ADARB1: variants seen among roughly 807,000 people sequenced by gnomAD.
ADARB1 encodes adenosine deaminase RNA specific B1.
In ADARB1, 10 loss-of-function variants were observed where a neutral mutation model predicts 52.4. The ratio of observed to expected loss-of-function variants is 0.19; its 90% CI spans 0.12 to 0.32. ADARB1 has a LOEUF of 0.32. Among genes scored for constraint, ADARB1 ranks in the 10% least tolerant of loss-of-function variants. The probability of loss-of-function intolerance (pLI) is 1.00; values close to 1 mark genes in which losing one functional copy is unlikely to be tolerated. For synonymous variants in ADARB1, 349 were observed against 371.1 expected (o/e 0.94, Z 0.68); for missense variants, 643 against 922.3 (o/e 0.70, Z 3.92).
chr21:45,174,564 A>G (rs966321915), intron 3 of ADARB1, among the ~76,000 whole-genome samples: 9 of 152,072 alleles, frequency 5.9e-5, no homozygotes, highest in Admixed American at 3.3e-4. Context: ...TTAGCCGGGC[A>G]TGGTAGCCCA....
chr21:45,206,463 T>A (rs895640836), intron 9 of ADARB1, among the ~76,000 whole-genome samples: 65 of 152,088 alleles, frequency 4.3e-4, no homozygotes, highest in Non-Finnish European at 8.8e-5. Context: ...AGCATCTATA[T>A]CTGTTAAAAG....
Position 45,176,232 on chromosome 21 carries a change from C to A in ADARB1, c.531C>A (p.Phe177Leu), listed in dbSNP as rs751409944. The change falls in exon 4 of 11, where the codon TTC (phenylalanine) becomes TTA (leucine). Residue 177 changes from phenylalanine to leucine, a missense_variant. Physicochemically the swap from Phe to Leu is conservative, Grantham distance 22. Transcript: ENST00000348831. The surrounding 1 kb of genome is among the most constrained non-coding windows in gnomAD (Gnocchi z 5.8). Reference sequence around the variant, plus strand: ...AGGCCGACTTCCCTGACACGCTCTTCAATGGTTTTGAAACTCCTGACAAGG... The same window carrying A: ...AGGCCGACTTCCCTGACACGCTCTTAAATGGTTTTGAAACTCCTGACAAGG... The part of the protein sequence containing the change: ...SDQADFPDTL[F>L]NGFETPDKAE... 6.2e-7 allele frequency: 1 copy of A among 1,614,224 alleles called. No individual in the cohort carries two copies. The highest frequency in any genetic ancestry group is 8.5e-7 in the Non-Finnish European group (1 of 1,180,038).
intron 9 of ADARB1, among the ~76,000 whole-genome samples, chr21:45,209,259 TAATG>T (rs2092722448): frequency 6.6e-6 from 1 of 152,220 alleles, no homozygotes; most frequent in Non-Finnish European, 1.5e-5. Context: ...AAGCCTTTCG[TAATG>T]AGTCACATAG....
chr21:45,101,278 G>T (rs926789019), intron 1 of ADARB1, among the ~76,000 whole-genome samples: 1 of 152,160 alleles, frequency 6.6e-6, no homozygotes, highest in Non-Finnish European at 1.5e-5. Flanking sequence ...TGCTCGCTGT[G>T]CCCTGCGCGC....
In ADARB1 at chr21:45,200,839, G is replaced by A. The variant is rs746211982; in HGVS notation, c.1566-3716G>A. 1.3e-5 allele frequency among the ~76,000 whole-genome samples: 2 copies of A among 152,190 alleles called. No homozygotes were observed. The highest frequency in any genetic ancestry group is 2.9e-5 in the Non-Finnish European group (2 of 68,030). On this transcript the variant is annotated intron_variant, in intron 8 of 10. Transcript: ENST00000348831. This position sits in a 1 kb window ranked among gnomAD's most constrained non-coding sequence, Gnocchi z 5.0. ...CAGAGTAGTTCTCCTGCCCTGTGTG[G>A]TCTGGCCGACGTCTGTCTGCAGCTC...
In ADARB1 at chr21:45,206,560, C is replaced by CTT. The variant is rs71199660; in HGVS notation, c.1747+1854_1747+1855dup. Among the ~76,000 whole-genome samples, 166 of 54,974 alleles carry CTT rather than the reference C, an allele frequency of 3.0e-3. 8 individuals carry two copies. The highest frequency in any genetic ancestry group is 3.5e-3 in the Non-Finnish European group (109 of 31,522). The allele number at this position is 54,974 out of a possible 152,430, so 36.1% of individuals were successfully genotyped here. A position where few individuals can be genotyped will look rare whatever the true frequency, so the allele number is the denominator to read the frequency against. ...TTTCCTCCTCAATATCTTCTCTGGT[C>CTT]TTTTTTTTTTTTTTTTTTTTTTTTT... On this transcript the variant is annotated intron_variant, in intron 9 of 10. Coordinates refer to ENST00000348831, the MANE Select transcript of ADARB1 (RefSeq NM_001112.4).
At chr21:45,179,386 T>C (rs914924555) in intron 4 of ADARB1, among the ~76,000 whole-genome samples, 10 of 152,240 alleles carry the variant, frequency 6.6e-5, no homozygotes, top group Non-Finnish European at 1.3e-4. Flanking sequence ...CTGGGGATGC[T>C]GGGTTTTCCT....
At chr21:45,162,135 C>T (rs1267225097) in intron 2 of ADARB1, among the ~76,000 whole-genome samples, 1 of 152,176 alleles carries the variant, frequency 6.6e-6, no homozygotes, top group Non-Finnish European at 1.5e-5. Flanking sequence ...AGAAGAGCTG[C>T]AGCCCTTCAA....
chr21:45,197,777 C>T (rs1484304908), intron 8 of ADARB1, among the ~76,000 whole-genome samples: 2 of 152,074 alleles, frequency 1.3e-5, no homozygotes, highest in Non-Finnish European at 2.9e-5. Context: ...ATAGAGAAAT[C>T]TCAAAATAAT....
At chr21:45,163,484 A>C (rs1046520384) in intron 2 of ADARB1, among the ~76,000 whole-genome samples, 2 of 152,046 alleles carry the variant, frequency 1.3e-5, no homozygotes, top group Non-Finnish European at 2.9e-5. Flanking sequence ...CCAGCGGGGG[A>C]GTGAGCGGGG....
intron 8 of ADARB1, among the ~76,000 whole-genome samples, chr21:45,193,496 C>A (rs201042464): frequency 1.1e-4 from 4 of 37,346 alleles, no homozygotes; most frequent in African/African-American, 3.0e-4. Flanking sequence ...AGATTGTCTG[C>A]TCTCCCCACT....
chr21:45,139,933 C>CTT (rs200847132), intron 2 of ADARB1, among the ~76,000 whole-genome samples: 934 of 84,842 alleles, frequency 0.011, 198 homozygotes, highest in African/African-American at 0.025. Flanking sequence ...CAATAAAACT[C>CTT]TTTTTTTTTT....
chr21:45,210,975 A>T (rs111320751), intron 9 of ADARB1, among the ~76,000 whole-genome samples: 4,849 of 152,332 alleles, frequency 0.032, 106 homozygotes, highest in Non-Finnish European at 0.047. Flanking sequence ...CTCCTTCCAC[A>T]GCTGGTGTTC....
At chr21:45,197,612 A>G (rs575397151) in intron 8 of ADARB1, among the ~76,000 whole-genome samples, 1 of 152,242 alleles carries the variant, frequency 6.6e-6, no homozygotes, top group East Asian at 1.9e-4. Flanking sequence ...TTGTAAATGA[A>G]TGTTTGTAGG....
chr21:45,077,162 C>G (rs2085971908), intron 1 of ADARB1, among the ~76,000 whole-genome samples: 1 of 152,190 alleles, frequency 6.6e-6, no homozygotes. Flanking sequence ...ATCAAAATTT[C>G]TTAGCTGTAA....
At chr21:45,129,756 A>G (rs2088818177) in intron 2 of ADARB1, among the ~76,000 whole-genome samples, 1 of 152,028 alleles carries the variant, frequency 6.6e-6, no homozygotes, top group Non-Finnish European at 1.5e-5. Flanking sequence ...GTGAGCGTGG[A>G]TGGATGAGAG....
chr21:45,180,761 T>G (rs917769454), intron 5 of ADARB1, among the ~76,000 whole-genome samples: 4 of 152,198 alleles, frequency 2.6e-5, no homozygotes, highest in African/African-American at 9.7e-5. Context: ...CTTCCTTTAT[T>G]TGAAAGTAGA....
At chr21:45,149,711 A>G (rs1370121138) in intron 2 of ADARB1, among the ~76,000 whole-genome samples, 1 of 152,248 alleles carries the variant, frequency 6.6e-6, no homozygotes, top group Non-Finnish European at 1.5e-5. Flanking sequence ...TATATCTCCC[A>G]TAACATTGAT....
chr21:45,157,830 G>A lies in ADARB1; in HGVS notation c.-47-13780G>A, dbSNP rs1569088543. Reference sequence around the variant, plus strand: ...TAGGTTTCTTCCATCCTTAAGCTCTGTTCTCTAACAGAAGTCACCCTGGCA... The same window carrying A: ...TAGGTTTCTTCCATCCTTAAGCTCTATTCTCTAACAGAAGTCACCCTGGCA... On this transcript the variant is annotated intron_variant, in intron 2 of 10. Transcript: ENST00000348831. The surrounding 1 kb of genome is among the most constrained non-coding windows in gnomAD (Gnocchi z 4.1). Among the ~76,000 whole-genome samples, 1 of 152,190 alleles carries A rather than the reference G, an allele frequency of 6.6e-6. No individual in the cohort carries two copies. The highest frequency in any genetic ancestry group is 1.5e-5 in the Non-Finnish European group (1 of 68,030).
Sources: allele counts gnomAD v4.1 joint callset (sites outside exome capture counted in the v4.1 genomes callset), GRCh38; gene constraint gnomAD v4.1.1; non-coding constraint Gnocchi (gnomAD v3.1); transcripts MANE v1.5; gene names NCBI Gene and HGNC (gene_info 2026-07-23, HGNC 2026-07-21).